The following FYB1 variants were observed in gnomAD, a reference collection of about 807,000 sequenced individuals.
FYB1 encodes FYN-binding protein 1.
Under a neutral mutation model 94.1 loss-of-function variants are expected in FYB1, and 41 were observed. The observed-to-expected ratio is 0.44, with a 90% CI of 0.34 to 0.57. The LOEUF is 0.57. Among genes scored for constraint, FYB1 ranks in the 20% least tolerant of loss-of-function variants. The pLI is 0.02. For missense variants in FYB1, 1,050 were observed against 976.8 expected (o/e 1.07, Z -1.00); for synonymous variants, 367 against 353.2 (o/e 1.04, Z -0.44).
chr5:39,220,230 G>A (rs1259511249), upstream of FYB1, among the ~76,000 whole-genome samples: 1 of 151,810 alleles, frequency 6.6e-6, no homozygotes, highest in African/African-American at 2.4e-5. Context: ...ACAACATGGT[G>A]AGACCCTGTC....
chr5:39,174,678 T>C (rs1431298737), intron 2 of FYB1, among the ~76,000 whole-genome samples: 1 of 152,226 alleles, frequency 6.6e-6, no homozygotes, highest in Non-Finnish European at 1.5e-5. Context: ...TTTTCTTCTT[T>C]AAGTCTGAAG....
chr5:39,198,254 T>G (rs1748006619), intron 2 of FYB1, among the ~76,000 whole-genome samples: 1 of 152,186 alleles, frequency 6.6e-6, no homozygotes, highest in South Asian at 2.1e-4. Flanking sequence ...AGCTAGTACA[T>G]TAGTCATGCT....
intron 1 of FYB1, among the ~76,000 whole-genome samples, chr5:39,250,041 C>A (rs138526207): frequency 3.3e-4 from 50 of 152,266 alleles, no homozygotes; most frequent in African/African-American, 1.1e-3. Context: ...CCTTTGCACT[C>A]TCTCTCTCTT....
chr5:39,119,873 T>C (rs1473550245), intron 14 of FYB1, among the ~76,000 whole-genome samples: 1 of 152,136 alleles, frequency 6.6e-6, no homozygotes, highest in Non-Finnish European at 1.5e-5. Context: ...GATTCGTTCT[T>C]ATACTGAACC....
intron 1 of FYB1, among the ~76,000 whole-genome samples, chr5:39,241,200 C>T (rs1167873309): frequency 1.3e-5 from 2 of 152,076 alleles, no homozygotes; most frequent in Admixed American, 1.3e-4. Flanking sequence ...CAAAGGAATG[C>T]CTATTGGGTA....
intron 2 of FYB1, among the ~76,000 whole-genome samples, chr5:39,159,199 CTATT>C (rs1744026331): frequency 6.6e-6 from 1 of 152,190 alleles, no homozygotes; most frequent in Non-Finnish European, 1.5e-5. Flanking sequence ...ATTTCATCAT[CTATT>C]TGTTTGAGAA....
Position 39,107,427 on chromosome 5 carries a change from T to C in FYB1, c.*16A>G. 6.6e-7 allele frequency: 1 copy of C among 1,526,568 alleles called. No individual in the cohort carries two copies. The highest frequency in any genetic ancestry group is 8.8e-7 in the Non-Finnish European group (1 of 1,132,340). The allele number at this position is 1,526,568 out of a possible 1,614,324, so 94.6% of individuals were successfully genotyped here. A position where few individuals can be genotyped will look rare whatever the true frequency, so the allele number is the denominator to read the frequency against. The stretch of plus-strand genomic sequence containing the variant: ...TTGGCACCTAATGAACACAGCAGAA[T>C]GACCAAAGTTGAGTGCTAGTCATTG... On this transcript the variant is annotated 3_prime_UTR_variant, in exon 19 of 19. Coordinates refer to ENST00000512982, the MANE Select transcript of FYB1 (RefSeq NM_001465.6).
intron 2 of FYB1, among the ~76,000 whole-genome samples, chr5:39,158,141 T>A (rs1480492364): frequency 1.3e-5 from 2 of 152,186 alleles, no homozygotes; most frequent in East Asian, 3.8e-4. Context: ...AATTGCAATA[T>A]CTTCTAGAAC....
In FYB1 at chr5:39,202,620, C is replaced by T. The variant is rs779238257; in HGVS notation, c.341G>A (p.Gly114Asp). ...EAKVGFLKPVGPKPINLPKED... is the reference protein window; with the variant it reads ...EAKVGFLKPVDPKPINLPKED... ...TTTGGGCAAGTTGATGGGCTTGGGG[C>T]CTACAGGTTTCAGAAATCCCACTTT... The change falls in exon 2 of 19, where the codon GGC (glycine) becomes GAC (aspartate). Residue 114 changes from glycine (G) to aspartate (D), a missense_variant. Gly to Asp is a moderately conservative substitution (Grantham distance 94). Coordinates refer to ENST00000512982, the MANE Select transcript of FYB1 (RefSeq NM_001465.6). The T allele has an allele frequency of 6.2e-7, 1 of 1,613,756 alleles. No homozygotes were observed. The highest frequency in any genetic ancestry group is 8.5e-7 in the Non-Finnish European group (1 of 1,179,854).
At chr5:39,127,859 T>G in intron 10 of FYB1, 52 bp from the exon 11 acceptor site, 1 of 1,506,822 alleles carries the variant, frequency 6.6e-7, no homozygotes, top group Non-Finnish European at 8.9e-7. Flanking sequence ...TTTGGCCATG[T>G]AATGCTCACT....
chr5:39,145,555 A>T (rs2150341864), intron 3 of FYB1, among the ~76,000 whole-genome samples: 1 of 152,314 alleles, frequency 6.6e-6, no homozygotes, highest in African/African-American at 2.4e-5. Flanking sequence ...CACATAATAT[A>T]AATTTAAGTA....
At chr5:39,191,072 C>T (rs1456807834) in intron 2 of FYB1, among the ~76,000 whole-genome samples, 1 of 152,166 alleles carries the variant, frequency 6.6e-6, no homozygotes, top group Non-Finnish European at 1.5e-5. Flanking sequence ...CGATTACCTT[C>T]TATTCCAGAA....
intron 3 of FYB1, among the ~76,000 whole-genome samples, chr5:39,150,207 C>A (rs1743120064): frequency 6.6e-6 from 1 of 152,116 alleles, no homozygotes; most frequent in African/African-American, 2.4e-5. Context: ...TTTGGGAAAT[C>A]AGGAGAGAGA....
In FYB1 at chr5:39,183,690, T is replaced by C. The variant is rs1204104447; in HGVS notation, c.1135+18136A>G. Among the ~76,000 whole-genome samples the C allele has an allele frequency of 3.3e-5, 5 of 152,214 alleles. 1 individual carries two copies. Among genetic ancestry groups the C allele is most frequent in the Admixed American group, 2.6e-4 (4 of 15,282 alleles). On this transcript the variant is annotated intron_variant, in intron 2 of 18. Transcript: ENST00000512982. Reference sequence around the variant, plus strand: ...TTCTATAACAACTCAAAACAAGCTATTCTTGACTTTGTAAAAATCAAAAAG... The same window carrying C: ...TTCTATAACAACTCAAAACAAGCTACTCTTGACTTTGTAAAAATCAAAAAG...
intron 1 of FYB1, among the ~76,000 whole-genome samples, chr5:39,244,257 G>A (rs835177): frequency 0.17 from 25,498 of 151,774 alleles, 5,726 homozygotes; most frequent in African/African-American, 0.5. Context: ...TTGCCCATTC[G>A]GTATGATATT....
intron 1 of FYB1, among the ~76,000 whole-genome samples, chr5:39,246,737 T>G (rs887581486): frequency 2.6e-5 from 4 of 152,056 alleles, no homozygotes; most frequent in Non-Finnish European, 5.9e-5. Flanking sequence ...ATTTGGCTAT[T>G]AAAAAGATGT....
At chr5:39,226,063 A>G (rs150194051) in intron 1 of FYB1, among the ~76,000 whole-genome samples, 1 of 152,226 alleles carries the variant, frequency 6.6e-6, no homozygotes, top group Non-Finnish European at 1.5e-5. Flanking sequence ...CTAGGTAACC[A>G]CATAAGAGAC....
At chr5:39,169,410 G>A (rs1745042123) in intron 2 of FYB1, 1 of 751,030 alleles carries the variant, frequency 1.3e-6, no homozygotes, top group South Asian at 1.3e-5. Flanking sequence ...TGCCAGATTA[G>A]TTTCTGTGCC....
intron 2 of FYB1, among the ~76,000 whole-genome samples, chr5:39,166,742 A>C (rs1010920975): frequency 3.3e-5 from 5 of 151,862 alleles, no homozygotes; most frequent in Non-Finnish European, 7.4e-5. Context: ...TGTAAGTGGG[A>C]GTTAAATTAA....
Sources: gnomAD v4.1 joint callset for allele counts (sites outside exome capture counted in the v4.1 genomes callset) on GRCh38, gnomAD v4.1.1 for gene constraint, MANE v1.5 for transcripts, NCBI Gene and HGNC (gene_info 2026-07-23, HGNC 2026-07-21) for gene names.